The following SLC2A9 variants were observed in gnomAD, a reference collection of about 807,000 sequenced individuals.
SLC2A9 encodes the protein solute carrier family 2, facilitated glucose transporter member 9.
In SLC2A9, 39 loss-of-function variants were observed where a neutral mutation model predicts 50.6. The observed-to-expected ratio is 0.77, with a 90% CI of 0.60 to 1.01. The LOEUF (loss-of-function observed/expected upper bound fraction) is 1.01, where lower values mean the gene tolerates loss of function less well. SLC2A9 is among the 50% of genes least tolerant of loss of function. The pLI, the probability that SLC2A9 is intolerant of heterozygous loss-of-function variation, is 0.00. For synonymous variants in SLC2A9, 324 were observed against 276.9 expected, an observed-to-expected ratio of 1.17 and a Z score of -1.69; for missense variants, 686 against 677.6, an observed-to-expected ratio of 1.01 and a Z score of -0.14.
chr4:9,851,995 T>C (rs2109320276), intron 10 of SLC2A9, among the ~76,000 whole-genome samples: 1 of 152,316 alleles, frequency 6.6e-6, no homozygotes, highest in East Asian at 1.9e-4. Flanking sequence ...TTGGAAAACA[T>C]ATTTGAGGAT....
intron 1 of SLC2A9, among the ~76,000 whole-genome samples, chr4:10,026,726 T>C (rs1350546392): frequency 6.6e-6 from 1 of 152,152 alleles, no homozygotes; most frequent in African/African-American, 2.4e-5. Context: ...GAATGCACCT[T>C]GAAAACATTC....
intron 10 of SLC2A9, among the ~76,000 whole-genome samples, chr4:9,861,325 G>A (rs890602920): frequency 3.9e-5 from 6 of 151,980 alleles, no homozygotes; most frequent in African/African-American, 4.8e-5. Flanking sequence ...GGATCTCATC[G>A]TTTAAAATGA....
At chr4:10,025,778 G>T, upstream of SLC2A9, 1 of 867,394 alleles carries the variant, frequency 1.2e-6, no homozygotes, top group Non-Finnish European at 1.9e-6. Context: ...GCTTTCAGCT[G>T]CTGCTCACTC....
At position 9,788,193 on chromosome 4, in the gene SLC2A9, CTGTT is replaced by C. The variant is rs369490110; in HGVS notation, n.386-8132_386-8129del. ...CATAGAATCTTGGTTTTTTAGTTTT[CTGTT>C]TGTTTGTTTTTGAGACAGGGTCTCA... On this transcript the variant is annotated intron_variant and non_coding_transcript_variant, in intron 3 of 3. Transcript: ENST00000503803. 1.3e-3 allele frequency among the ~76,000 whole-genome samples: 195 copies of C among 151,642 alleles called. 2 individuals are homozygous for C. In the East Asian group the frequency reaches 0.025, roughly 20 times the overall value.
chr4:9,863,442 T>C (rs1203700198), intron 10 of SLC2A9, among the ~76,000 whole-genome samples: 1 of 152,010 alleles, frequency 6.6e-6, no homozygotes, highest in Non-Finnish European at 1.5e-5. Context: ...CTAAAATCTT[T>C]TGTTGAATGA....
chr4:9,952,293 G>A (rs1750443658), intron 5 of SLC2A9, among the ~76,000 whole-genome samples: 1 of 152,158 alleles, frequency 6.6e-6, no homozygotes, highest in South Asian at 2.1e-4. Context: ...GGGTTATGGG[G>A]TTGGATCCCT....
At chr4:9,991,675 C>A (rs1757739805) in intron 3 of SLC2A9, among the ~76,000 whole-genome samples, 1 of 152,120 alleles carries the variant, frequency 6.6e-6, no homozygotes, top group African/African-American at 2.4e-5. Context: ...AATGAGGTCA[C>A]AAGGAAGCGG....
chr4:9,882,822 C>T (rs1735471354), intron 10 of SLC2A9, among the ~76,000 whole-genome samples: 1 of 152,014 alleles, frequency 6.6e-6, no homozygotes, highest in Non-Finnish European at 1.5e-5. Context: ...AATAAATGGC[C>T]GTGTCCATTC....
chr4:9,816,260 T>C (rs1437789168), intron 3 of SLC2A9, among the ~76,000 whole-genome samples: 1 of 152,190 alleles, frequency 6.6e-6, no homozygotes, highest in African/African-American at 2.4e-5. Flanking sequence ...TGCTCACTCA[T>C]TACCTGCTCT....
chr4:9,980,834 C>T, intron 4 of SLC2A9, 97 bp from the exon 5 acceptor site: 3 of 1,502,116 alleles, frequency 2.0e-6, no homozygotes, highest in Non-Finnish European at 2.8e-6. Flanking sequence ...TTGCCCTGGA[C>T]ATTAAATAGC....
intron 10 of SLC2A9, among the ~76,000 whole-genome samples, chr4:9,877,387 C>T (rs1003695398): frequency 6.6e-6 from 1 of 152,204 alleles, no homozygotes. Context: ...GTAGTGCCTG[C>T]CCCCCTGGCA....
chr4:10,002,809 C>A (rs950632416), intron 2 of SLC2A9, among the ~76,000 whole-genome samples: 3 of 152,104 alleles, frequency 2.0e-5, no homozygotes, highest in South Asian at 4.1e-4. Context: ...GCCAAGATTG[C>A]GCCACTGCAC....
At chr4:10,028,315 C>T (rs866878693) in intron 1 of SLC2A9, among the ~76,000 whole-genome samples, 2 of 152,236 alleles carry the variant, frequency 1.3e-5, no homozygotes, top group African/African-American at 2.4e-5. Context: ...ATGCAGCACT[C>T]GAGGTCCCCT....
In SLC2A9 at chr4:9,908,898, T is replaced by C. The variant is rs1229726431; in HGVS notation, c.1003-553A>G. Among the ~76,000 whole-genome samples, 3 of 152,194 alleles carry C rather than the reference T, an allele frequency of 2.0e-5. No individual in the cohort carries two copies. The East Asian group carries it at 5.8e-4, about 29-fold the overall frequency. On this transcript the variant is annotated intron_variant, in intron 7 of 11. Coordinates refer to ENST00000264784, the MANE Select transcript of SLC2A9 (RefSeq NM_020041.3). ...TCATCAAGGAGGTCTGCTTCCATTT[T>C]TGTTTGTCCTTCCTTCTTTCTGTGT...
chr4:9,995,601 A>G (rs1758506083), intron 3 of SLC2A9: 1 of 152,198 alleles, frequency 6.6e-6, no homozygotes, highest in Non-Finnish European at 1.5e-5. Flanking sequence ...CGTCAATGCA[A>G]TAAGGAGGTT....
intron 3 of SLC2A9, among the ~76,000 whole-genome samples, chr4:9,799,862 T>C (rs955914158): frequency 1.3e-5 from 2 of 152,110 alleles, no homozygotes; most frequent in Non-Finnish European, 2.9e-5. Flanking sequence ...AAGAGAACCG[T>C]TACTGAGGGT....
chr4:9,992,188 C>G (rs1578224852), intron 3 of SLC2A9, among the ~76,000 whole-genome samples: 1 of 152,192 alleles, frequency 6.6e-6, no homozygotes, highest in East Asian at 1.9e-4. Flanking sequence ...CCTGTCTCCA[C>G]CTAACCATGG....
chr4:10,022,292 C>T (rs985562573), upstream of SLC2A9, among the ~76,000 whole-genome samples: 15 of 152,356 alleles, frequency 9.8e-5, no homozygotes, highest in Non-Finnish European at 1.8e-4. Context: ...CCCCAAGTGG[C>T]GTGCTGTAAA....
chr4:9,941,931 CGTT>C lies in SLC2A9; in HGVS notation c.793_795del (p.Asn265del), dbSNP rs1464318900. On this transcript the variant is annotated inframe_deletion, in exon 6 of 12. Coordinates refer to ENST00000264784, the MANE Select transcript of SLC2A9 (RefSeq NM_020041.3). ...CCCTCACCTTTCACAGCTCTTGCCT[CGTT>C]GTGCTTCTCCAAGAGCAGGTAGCGT... 15 of 1,613,964 alleles carry C rather than the reference CGTT, an allele frequency of 9.3e-6. No homozygotes were observed. Among genetic ancestry groups the C allele is most frequent in the African/African-American group, 2.7e-5 (2 of 74,916 alleles).
Sources: allele counts gnomAD v4.1 joint callset (sites outside exome capture counted in the v4.1 genomes callset), GRCh38; gene constraint gnomAD v4.1.1; transcripts MANE v1.5; gene names NCBI Gene and HGNC (gene_info 2026-07-23, HGNC 2026-07-21).